DEFB125: variants seen among roughly 807,000 people sequenced by gnomAD.
The protein encoded by DEFB125 is beta-defensin 125.
DEFB125 carries 11 observed loss-of-function variants against 11.8 expected under a neutral mutation model. That is an observed-to-expected ratio of 0.94 (90% confidence interval 0.59 to 1.55). DEFB125 has a LOEUF of 1.55. Among genes scored for constraint, DEFB125 ranks in the 40% most tolerant of loss-of-function variants. The probability of loss-of-function intolerance (pLI) is 0.00; values close to 1 mark genes in which losing one functional copy is unlikely to be tolerated. For missense variants in DEFB125, 198 were observed against 191.2 expected (o/e 1.04, Z -0.21); for synonymous variants, 79 against 66.7 (o/e 1.18, Z -0.90).
At chr20:95,222 C>A (rs1034603205) in intron 1 of DEFB125, among the ~76,000 whole-genome samples, 2 of 152,074 alleles carry the variant, frequency 1.3e-5, no homozygotes, top group African/African-American at 4.8e-5. Context: ...TCTGACTTAT[C>A]TTATTGGTCC....
At chr20:92,921 C>T (rs977591646) in intron 1 of DEFB125, among the ~76,000 whole-genome samples, 1 of 151,616 alleles carries the variant, frequency 6.6e-6, no homozygotes, top group African/African-American at 2.4e-5. Flanking sequence ...GTGACTATGC[C>T]CTTCTGTCAT....
intron 1 of DEFB125, among the ~76,000 whole-genome samples, chr20:91,565 T>G (rs1160080361): frequency 3.3e-5 from 5 of 152,342 alleles, no homozygotes; most frequent in Admixed American, 3.3e-4. Flanking sequence ...AGTTCACAGA[T>G]GTACCTCAAG....
intron 1 of DEFB125, among the ~76,000 whole-genome samples, chr20:89,752 A>G (rs1418458236): frequency 2.0e-5 from 3 of 151,912 alleles, no homozygotes; most frequent in Admixed American, 6.6e-5. Flanking sequence ...ATAAATATTT[A>G]ATTTTTATTT....
At chr20:93,254 C>T (rs1490293629) in intron 1 of DEFB125, among the ~76,000 whole-genome samples, 4 of 152,184 alleles carry the variant, frequency 2.6e-5, no homozygotes, top group African/African-American at 9.7e-5. Context: ...CATGTGTGAG[C>T]CACTGCGCCC....
At chr20:88,844 TC>T (rs2054486138) in intron 1 of DEFB125, among the ~76,000 whole-genome samples, 1 of 148,318 alleles carries the variant, frequency 6.7e-6, no homozygotes, top group Admixed American at 6.8e-5. Context: ...GTATGTCTTT[TC>T]ATTTATGACT....
chr20:87,887 G>A, intron 1 of DEFB125, 120 bp downstream of exon 1: 2 of 1,046,434 alleles, frequency 1.9e-6, no homozygotes, highest in Non-Finnish European at 1.5e-6. Flanking sequence ...ACAAAGAGCA[G>A]CAGAATGCTC....
chr20:92,591 C>G (rs1401599136), intron 1 of DEFB125, among the ~76,000 whole-genome samples: 6 of 151,998 alleles, frequency 3.9e-5, no homozygotes. Flanking sequence ...CAGGTTTTCA[C>G]CAGGTTGGCC....
chr20:89,588 T>A (rs1026302236), intron 1 of DEFB125, among the ~76,000 whole-genome samples: 50 of 152,080 alleles, frequency 3.3e-4, no homozygotes, highest in African/African-American at 1.1e-3. Flanking sequence ...CATAAATAAG[T>A]GCATTTACAT....
chr20:90,889 C>CTCATAGGAGCATGA (rs2054493813), intron 1 of DEFB125, among the ~76,000 whole-genome samples: 1 of 152,220 alleles, frequency 6.6e-6, no homozygotes, highest in African/African-American at 2.4e-5. Flanking sequence ...GTTTAATCAT[C>CTCATAGGAGCATGA]ACCTTGTTAC....
In DEFB125 at chr20:90,197, C is replaced by T. The variant is rs145655087; in HGVS notation, c.58+2430C>T. On this transcript the variant is annotated intron_variant, in intron 1 of 1. Coordinates refer to ENST00000382410, the MANE Select transcript of DEFB125 (RefSeq NM_153325.4). Reference sequence around the variant, plus strand: ...TTTCTAATTTTAGGATTTCGAGATACTGGTGATGAAGATCACATGTCCTAA... The same window carrying T: ...TTTCTAATTTTAGGATTTCGAGATATTGGTGATGAAGATCACATGTCCTAA... Among the ~76,000 whole-genome samples, 16 of 152,162 alleles carry T rather than the reference C, an allele frequency of 1.1e-4. No homozygotes were observed. In the East Asian group the frequency reaches 2.7e-3, roughly 26 times the overall value.
At chr20:93,120 G>A (rs569674949) in intron 1 of DEFB125, among the ~76,000 whole-genome samples, 26 of 151,972 alleles carry the variant, frequency 1.7e-4, no homozygotes, top group Non-Finnish European at 2.8e-4. Flanking sequence ...ACAGGTGCTC[G>A]CCACCATGCC....
intron 1 of DEFB125, among the ~76,000 whole-genome samples, chr20:95,316 C>T (rs551086212): frequency 6.6e-6 from 1 of 151,870 alleles, no homozygotes; most frequent in Non-Finnish European, 1.5e-5. Context: ...CTTTTTTTCT[C>T]ATATTATTCC....
chr20:96,322 G>A lies in DEFB125; in HGVS notation c.376G>A (p.Glu126Lys), dbSNP rs1242769910. The part of the protein sequence containing the change: ...NTPETTMPPS[E>K]ATTPETTMPP... ...TCCTGAGACTACTATGCCACCATCT[G>A]AGGCCACTACTCCCGAGACTACTAT... is the stretch of plus-strand genomic sequence containing the variant. The change falls in exon 2 of 2, where the codon GAG (glutamate) becomes AAG (lysine). Residue 126 changes from glutamate (E) to lysine (K), a missense_variant. Transcript: ENST00000382410. 4.3e-6 allele frequency: 7 copies of A among 1,613,322 alleles called. No homozygotes were observed. The South Asian group carries it at 4.4e-5, about 10-fold the overall frequency.
intron 1 of DEFB125, among the ~76,000 whole-genome samples, chr20:89,433 G>C (rs933973977): frequency 3.3e-5 from 5 of 151,934 alleles, no homozygotes; most frequent in African/African-American, 4.8e-5. Context: ...TTTCTTATTT[G>C]AATAAAAATG....
intron 1 of DEFB125, among the ~76,000 whole-genome samples, chr20:92,148 G>C (rs1156746196): frequency 6.6e-6 from 1 of 152,020 alleles, no homozygotes; most frequent in African/African-American, 2.4e-5. Context: ...TTGCTCTTCT[G>C]CACATATACC....
intron 1 of DEFB125, among the ~76,000 whole-genome samples, chr20:90,520 C>A (rs2054492442): frequency 6.6e-6 from 1 of 152,182 alleles, no homozygotes; most frequent in African/African-American, 2.4e-5. Context: ...TGAGATCTGT[C>A]CTTCTGCTCT....
chr20:94,259 TA>T (rs1352237238), intron 1 of DEFB125, among the ~76,000 whole-genome samples: 2 of 152,128 alleles, frequency 1.3e-5, no homozygotes, highest in African/African-American at 4.8e-5. Flanking sequence ...GTCATTTTTT[TA>T]TATTGGGAAC....
At chr20:95,883 TG>T (rs1373289917) in intron 1 of DEFB125, 121 bp from the exon 2 acceptor site, 39 of 907,604 alleles carry the variant, frequency 4.3e-5, no homozygotes, top group South Asian at 5.9e-5. Context: ...TCTCTTACAA[TG>T]GCTTTTTGTA....
At chr20:89,840 T>G (rs1362489274) in intron 1 of DEFB125, among the ~76,000 whole-genome samples, 1 of 151,286 alleles carries the variant, frequency 6.6e-6, no homozygotes, top group Non-Finnish European at 1.5e-5. Flanking sequence ...ATTGTCTATG[T>G]CTCTCTTTCT....
Sources: allele counts gnomAD v4.1 joint callset (sites outside exome capture counted in the v4.1 genomes callset), GRCh38; gene constraint gnomAD v4.1.1; transcripts MANE v1.5; gene names NCBI Gene and HGNC (gene_info 2026-07-23, HGNC 2026-07-21).